Variants in RMDN2 observed in about 807,000 individuals in gnomAD.
The protein encoded by RMDN2 is regulator of microtubule dynamics 2.
RMDN2 carries 61 observed loss-of-function variants against 52.8 expected under a neutral mutation model. That is an observed-to-expected ratio of 1.16 (90% CI 0.94 to 1.43). The LOEUF is 1.43. Ranked by LOEUF, RMDN2 falls within the 40% of genes most tolerant of loss-of-function variation. The pLI is 0.00. For missense variants in RMDN2, 592 were observed against 475.3 expected, an observed-to-expected ratio of 1.25 and a Z score of -2.28; for synonymous variants, 180 against 153.1, an observed-to-expected ratio of 1.18 and a Z score of -1.30.
At chr2:38,024,390 C>T (rs979483849) in intron 10 of RMDN2, among the ~76,000 whole-genome samples, 1 of 152,172 alleles carries the variant, frequency 6.6e-6, no homozygotes, top group African/African-American at 2.4e-5. Flanking sequence ...ATTTCACATT[C>T]TCACCAACAG....
exon 11 of RMDN2, chr2:38,067,009 T>G (rs778154619): frequency 4.8e-5 from 77 of 1,613,464 alleles, no homozygotes; most frequent in Non-Finnish European, 6.2e-5. Flanking sequence ...ATAAAGAGCC[T>G]TTGGTACCGC....
Position 38,049,238 on chromosome 2 carries a change from G to A in RMDN2, c.1714-17744G>A, listed in dbSNP as rs564977237. On this transcript the variant is annotated intron_variant, in intron 10 of 10. Transcript: ENST00000234195. The stretch of plus-strand genomic sequence containing the variant: ...ATTAGGAGCCTTCCTCCTCCATGGG[G>A]CAGAAAGAAAAGGGAGTAGAAGGAA... Among the ~76,000 whole-genome samples the A allele has an allele frequency of 6.6e-5, 10 of 152,276 alleles. No individual in the cohort carries two copies. The East Asian group carries it at 1.9e-3, about 29-fold the overall frequency.
At chr2:37,927,005 AT>A (rs1438073143) in intron 1 of RMDN2, among the ~76,000 whole-genome samples, 3 of 151,870 alleles carry the variant, frequency 2.0e-5, no homozygotes, top group African/African-American at 7.2e-5. Context: ...ACTCTGATGT[AT>A]TTTGTACATT....
At chr2:38,025,058 G>GAAAA (rs1679676025) in intron 10 of RMDN2, among the ~76,000 whole-genome samples, 1 of 152,010 alleles carries the variant, frequency 6.6e-6, no homozygotes, top group South Asian at 2.1e-4. Context: ...TTTCCATCAA[G>GAAAA]AAAAAAGTGG....
upstream of RMDN2, chr2:37,923,477 A>C (rs1462172230): frequency 2.0e-5 from 3 of 152,154 alleles, no homozygotes; most frequent in African/African-American, 7.2e-5. Context: ...GAAAAGCTTA[A>C]ATTTTGTTTT....
At chr2:37,999,920 A>G (rs767136089) in intron 8 of RMDN2, among the ~76,000 whole-genome samples, 1 of 151,758 alleles carries the variant, frequency 6.6e-6, no homozygotes, top group Non-Finnish European at 1.5e-5. Context: ...TAGTTCTCCC[A>G]CTCTCAAATT....
chr2:37,941,093 T>G (rs1002250564), intron 2 of RMDN2, among the ~76,000 whole-genome samples: 20 of 152,218 alleles, frequency 1.3e-4, no homozygotes, highest in African/African-American at 4.8e-4. Context: ...TCTTCCTTTT[T>G]CTTGATGTTG....
At chr2:37,951,362 C>A in intron 2 of RMDN2, 1 of 1,613,194 alleles carries the variant, frequency 6.2e-7, no homozygotes, top group Non-Finnish European at 8.5e-7. Flanking sequence ...CATCTTATTC[C>A]CCTGTAACAC....
upstream of RMDN2, among the ~76,000 whole-genome samples, chr2:37,921,684 A>T (rs1223902432): frequency 6.6e-6 from 1 of 152,176 alleles, no homozygotes; most frequent in Non-Finnish European, 1.5e-5. Flanking sequence ...TGTTCTATCA[A>T]AGGCAGGGTC....
intron 2 of RMDN2, among the ~76,000 whole-genome samples, chr2:37,965,136 C>G (rs1195730539): frequency 6.6e-6 from 1 of 152,072 alleles, no homozygotes; most frequent in Non-Finnish European, 1.5e-5. Context: ...AAATTAGTCT[C>G]TTTTGGACAG....
At chr2:37,981,501 A>G (rs962854275) in intron 5 of RMDN2, among the ~76,000 whole-genome samples, 158 bp downstream of exon 5, 1 of 152,218 alleles carries the variant, frequency 6.6e-6, no homozygotes, top group Non-Finnish European at 1.5e-5. Context: ...TATTCTGTTT[A>G]TTCACATTTT....
intron 8 of RMDN2, among the ~76,000 whole-genome samples, chr2:37,999,789 A>G (rs571016654): frequency 6.6e-6 from 1 of 152,050 alleles, no homozygotes; most frequent in African/African-American, 2.4e-5. Flanking sequence ...AGGGGCCAGG[A>G]ATGTGTCTCT....
intron 2 of RMDN2, among the ~76,000 whole-genome samples, chr2:37,933,545 G>A (rs6731219): frequency 0.15 from 23,595 of 152,274 alleles, 2,111 homozygotes; most frequent in African/African-American, 0.24. Flanking sequence ...CGAGGCTGGC[G>A]GATCGCTCGC....
intron 10 of RMDN2, among the ~76,000 whole-genome samples, chr2:38,007,085 T>C (rs1211273820): frequency 6.6e-6 from 1 of 152,232 alleles, no homozygotes; most frequent in East Asian, 1.9e-4. Context: ...AGCTTTTTGA[T>C]GTGCTGCTGG....
At position 38,017,293 on chromosome 2, in the gene RMDN2, A is replaced by T. The variant is rs1678938919; in HGVS notation, c.*54A>T. The T allele has an allele frequency of 6.8e-7, 1 of 1,475,936 alleles. No homozygotes were observed. The highest frequency in any genetic ancestry group is 9.0e-7 in the Non-Finnish European group (1 of 1,109,908). The allele number at this position is 1,475,936 out of a possible 1,614,324, so 91.4% of individuals were successfully genotyped here. ...GATGTGGTCTACCAAAATTTAAATGAATCAAAGTTGTGCTTTTATTATCCT... is the reference window on the plus strand; with the variant it reads ...GATGTGGTCTACCAAAATTTAAATGTATCAAAGTTGTGCTTTTATTATCCT... On this transcript the variant is annotated 3_prime_UTR_variant, in exon 11 of 11. Transcript: ENST00000354545.
In RMDN2 at chr2:37,975,330, A is replaced by G. The variant is rs2125074490; in HGVS notation, c.730+16A>G. On this transcript the variant is annotated intron_variant, in intron 4 of 10. Transcript: ENST00000354545. Reference sequence around the variant, plus strand: ...GCTAATATTGGTAAGCATTTTGTAAAGATTATTCTCAAGTAGCAATTAAGA... The same window carrying G: ...GCTAATATTGGTAAGCATTTTGTAAGGATTATTCTCAAGTAGCAATTAAGA... 2 of 1,398,376 alleles carry G rather than the reference A, an allele frequency of 1.4e-6. No homozygotes were observed. The highest frequency in any genetic ancestry group is 2.0e-6 in the Non-Finnish European group (2 of 985,092). The allele number at this position is 1,398,376 out of a possible 1,614,324, so 86.6% of individuals were successfully genotyped here.
In RMDN2 at chr2:37,944,332, CAA is replaced by C. The variant is rs55892088; in HGVS notation, c.452+14618_452+14619del. On this transcript the variant is annotated intron_variant, in intron 2 of 10. Transcript: ENST00000354545. The stretch of plus-strand genomic sequence containing the variant: ...CACCATTTAAAAAAACAGCCAATCT[CAA>C]AAAAAAAAAAAAAAGAATTTTAGGC... 3.9e-3 allele frequency among the ~76,000 whole-genome samples: 523 copies of C among 135,246 alleles called. 2 individuals are homozygous for C. Among genetic ancestry groups the C allele is most frequent in the Middle Eastern group, 0.011 (3 of 266 alleles). 88.7% of individuals were successfully genotyped at this position (135,246 alleles called of 152,430 possible).
chr2:37,959,094 G>C (rs923106163), intron 2 of RMDN2, among the ~76,000 whole-genome samples: 2 of 151,038 alleles, frequency 1.3e-5, no homozygotes, highest in Non-Finnish European at 2.9e-5. Context: ...CTTCATCAGG[G>C]ATATTGGCCT....
downstream of RMDN2, among the ~76,000 whole-genome samples, chr2:38,017,897 A>G (rs1409217405): frequency 3.3e-5 from 5 of 152,142 alleles, no homozygotes; most frequent in Non-Finnish European, 7.4e-5. Context: ...TTGGGTAGGT[A>G]GTGGAAGATT....
Sources: allele counts gnomAD v4.1 joint callset (sites outside exome capture counted in the v4.1 genomes callset), GRCh38; gene constraint gnomAD v4.1.1; transcripts MANE v1.5; gene names NCBI Gene and HGNC (gene_info 2026-07-23, HGNC 2026-07-21).